The following SYNE1 variants were observed in gnomAD, a reference collection of about 807,000 sequenced individuals.
SYNE1 encodes the protein spectrin repeat containing nuclear envelope protein 1, also known as nesprin-1.
In SYNE1, 616 loss-of-function variants were observed where a neutral mutation model predicts 1,111.0. The observed-to-expected ratio is 0.55, with a 90% CI of 0.52 to 0.59. The LOEUF (loss-of-function observed/expected upper bound fraction) is 0.59, where lower values mean the gene tolerates loss of function less well. SYNE1 is among the 20% of genes least tolerant of loss of function. SYNE1 has a pLI of 0.00. For missense variants in SYNE1, 10,006 were observed against 10,417.0 expected (o/e 0.96, Z 1.72); for synonymous variants, 3,855 against 3,825.8 (o/e 1.01, Z -0.28).
At chr6:152,611,563 C>G (rs1384968565) in intron 3 of SYNE1, among the ~76,000 whole-genome samples, 1 of 152,082 alleles carries the variant, frequency 6.6e-6, no homozygotes, top group African/African-American at 2.4e-5. Context: ...CTTTAACACC[C>G]CACTGTCAAC....
intron 130 of SYNE1, among the ~76,000 whole-genome samples, chr6:152,175,681 A>G (rs1027117074): frequency 2.8e-4 from 42 of 152,358 alleles, no homozygotes; most frequent in African/African-American, 8.9e-4. Flanking sequence ...ATGAAGCCAA[A>G]TTCACCTAAA....
intron 108 of SYNE1, 86 bp from the exon 109 acceptor site, chr6:152,237,034 A>G: frequency 4.6e-6 from 7 of 1,538,384 alleles, no homozygotes; most frequent in Non-Finnish European, 6.2e-6. Flanking sequence ...CGTGCCTGAC[A>G]GTCTCTCCTT....
At chr6:152,351,672 G>A (rs2154035951) in intron 70 of SYNE1, among the ~76,000 whole-genome samples, 1 of 152,302 alleles carries the variant, frequency 6.6e-6, no homozygotes. Context: ...ATGAAGGGAA[G>A]CCTCAATATG....
chr6:152,209,300 C>T (rs1377309555), intron 124 of SYNE1, among the ~76,000 whole-genome samples: 2 of 152,090 alleles, frequency 1.3e-5, no homozygotes, highest in Non-Finnish European at 2.9e-5. Flanking sequence ...GATTTTGTAA[C>T]CAAATATGCT....
intron 87 of SYNE1, among the ~76,000 whole-genome samples, chr6:152,312,418 A>G (rs2095583425): frequency 6.6e-6 from 1 of 151,120 alleles, no homozygotes; most frequent in Non-Finnish European, 1.5e-5. Flanking sequence ...CATGTTGGTC[A>G]GGCTGGTCTC....
intron 4 of SYNE1, among the ~76,000 whole-genome samples, chr6:152,526,939 A>G (rs1262810104): frequency 6.6e-6 from 1 of 152,204 alleles, no homozygotes; most frequent in Non-Finnish European, 1.5e-5. Context: ...ATGGGAATTC[A>G]TCAAACATTG....
At chr6:152,182,321 G>C (rs924859653) in intron 128 of SYNE1, among the ~76,000 whole-genome samples, 29 of 152,164 alleles carry the variant, frequency 1.9e-4, no homozygotes, top group African/African-American at 6.8e-4. Flanking sequence ...TGGTAAGAAG[G>C]TCTGAAGACG....
chr6:152,333,377 G>A (rs1188055484), intron 77 of SYNE1, among the ~76,000 whole-genome samples: 1 of 152,146 alleles, frequency 6.6e-6, no homozygotes, highest in Non-Finnish European at 1.5e-5. Context: ...ATAGGTTCAA[G>A]AAGGATTCAT....
In SYNE1 at chr6:152,540,021, T is replaced by A. The variant is rs370851746; in HGVS notation, c.68A>T (p.Asp23Val). 6.2e-7 allele frequency: 1 copy of A among 1,613,776 alleles called. No homozygotes were observed. Among genetic ancestry groups the A allele is most frequent in the Non-Finnish European group, 8.5e-7 (1 of 1,179,792 alleles). The part of the protein sequence containing the change: ...DIANVMQRLQ[D>V]EQEIVQKRTF... Reference sequence around the variant, plus strand: ...TCGTTTTTGTACTATCTCTTGCTCATCTAGAAGGAAAAAGAAATCTGGTTA... The same window carrying A: ...TCGTTTTTGTACTATCTCTTGCTCAACTAGAAGGAAAAAGAAATCTGGTTA... Residue 23 changes from aspartate (D) to valine (V), a missense_variant and splice_region_variant, in exon 4 of 146, where the codon GAT (aspartate) becomes GTT (valine). By Grantham distance (152) the Asp-to-Val change is radical. This residue lies in a region of SYNE1 where 1,971 missense variants were observed against 2,084.1 expected (regional missense o/e 0.95). Coordinates refer to ENST00000367255, the MANE Select transcript of SYNE1 (RefSeq NM_182961.4).
At chr6:152,555,893 C>T (rs1013710945) in intron 3 of SYNE1, among the ~76,000 whole-genome samples, 1 of 152,162 alleles carries the variant, frequency 6.6e-6, no homozygotes, top group Non-Finnish European at 1.5e-5. Flanking sequence ...ATAAAACTTA[C>T]TACTGTATCT....
chr6:152,530,703 C>G (rs1564668713), intron 4 of SYNE1, among the ~76,000 whole-genome samples: 1 of 151,044 alleles, frequency 6.6e-6, no homozygotes, highest in East Asian at 2.0e-4. Flanking sequence ...CTCACTGCAA[C>G]CTCTGCCTCC....
chr6:152,623,473 C>T (rs996094207), intron 3 of SYNE1, among the ~76,000 whole-genome samples: 5 of 152,044 alleles, frequency 3.3e-5, no homozygotes, highest in Non-Finnish European at 7.4e-5. Context: ...ACAAAGATTA[C>T]ATGATGAAGA....
At chr6:152,240,451 C>T (rs2085342605) in intron 107 of SYNE1, among the ~76,000 whole-genome samples, 1 of 152,154 alleles carries the variant, frequency 6.6e-6, no homozygotes, top group African/African-American at 2.4e-5. Context: ...ATTTGCTTTC[C>T]TTGTATTATA....
rs1394872292 is a variant in SYNE1, at chr6:152,449,605, C to T, written c.3432G>A (p.Glu1144=). 1 of 1,614,002 alleles carries T rather than the reference C, an allele frequency of 6.2e-7. No homozygotes were observed. Among genetic ancestry groups the T allele is most frequent in the Non-Finnish European group, 8.5e-7 (1 of 1,179,960 alleles). ...SEFSSWISTN[E]TQLKGIKGEA... is the part of the protein sequence containing the mutation. Reference sequence around the variant, plus strand: ...CACCCTTGATCCCCTTTAATTGTGTCTCATTTGTAGATATCCAAGATGAGA... The same window carrying T: ...CACCCTTGATCCCCTTTAATTGTGTTTCATTTGTAGATATCCAAGATGAGA... The change falls in exon 28 of 146, where the codon GAG becomes GAA. Residue 1144 remains glutamate (E), a synonymous_variant. Coordinates refer to ENST00000367255, the MANE Select transcript of SYNE1 (RefSeq NM_182961.4).
chr6:152,365,099 A>G, intron 62 of SYNE1, 80 bp from the exon 63 acceptor site: 1 of 1,559,686 alleles, frequency 6.4e-7, no homozygotes, highest in Non-Finnish European at 8.8e-7. Flanking sequence ...GCTCCTAAAG[A>G]TCACAGAATA....
chr6:152,504,248 G>A (rs141233945), intron 9 of SYNE1, among the ~76,000 whole-genome samples: 1 of 152,156 alleles, frequency 6.6e-6, no homozygotes, highest in African/African-American at 2.4e-5. Flanking sequence ...AAAGTGGGGT[G>A]GGGGCAGAGT....
At chr6:152,179,630 T>C (rs2067375623) in intron 129 of SYNE1, among the ~76,000 whole-genome samples, 1 of 144,818 alleles carries the variant, frequency 6.9e-6, no homozygotes, top group East Asian at 2.1e-4. Context: ...ATTTTATGTG[T>C]AAAGCAGGCC....
At chr6:152,501,412 T>A (rs911368723) in intron 10 of SYNE1, among the ~76,000 whole-genome samples, 3 of 152,170 alleles carry the variant, frequency 2.0e-5, no homozygotes, top group African/African-American at 7.2e-5. Context: ...AAATTTTGTA[T>A]GCCCTTTAGC....
chr6:152,268,664 A>G (rs909777614), intron 99 of SYNE1, among the ~76,000 whole-genome samples: 22 of 152,342 alleles, frequency 1.4e-4, no homozygotes, highest in African/African-American at 4.6e-4. Context: ...TAAGGTACCA[A>G]TGAGAAATCA....
Sources: gnomAD v4.1 joint callset for allele counts (sites outside exome capture counted in the v4.1 genomes callset) on GRCh38, gnomAD v4.1.1 for gene constraint, gnomAD v4.1.1 regional missense constraint, MANE v1.5 for transcripts, NCBI Gene and HGNC (gene_info 2026-07-23, HGNC 2026-07-21) for gene names.